ERICH1: variants seen among roughly 807,000 people sequenced by gnomAD.
The protein encoded by ERICH1 is glutamate rich 1.
A neutral mutation model predicts 39.6 loss-of-function variants in ERICH1; 56 were observed. That is an observed-to-expected ratio of 1.41 (90% CI 1.14 to 1.77). The LOEUF is 1.77. ERICH1 is among the 40% of genes most tolerant of loss of function. The probability of loss-of-function intolerance (pLI) is 0.00; values close to 1 mark genes in which losing one functional copy is unlikely to be tolerated. For synonymous variants in ERICH1, 313 were observed against 223.6 expected (o/e 1.40, Z -3.57); for missense variants, 826 against 575.4 (o/e 1.44, Z -4.45).
intron 2 of ERICH1, 78 bp downstream of exon 2, chr8:715,783 A>T (rs1270065870): frequency 6.5e-7 from 1 of 1,532,858 alleles, no homozygotes; most frequent in Admixed American, 2.0e-5. Flanking sequence ...CCCAAAAGAC[A>T]CATTCTCCAA....
At chr8:638,838 C>T (rs993213143) in intron 3 of ERICH1, among the ~76,000 whole-genome samples, 4 of 152,094 alleles carry the variant, frequency 2.6e-5, no homozygotes, top group East Asian at 1.9e-4. Flanking sequence ...AGCAAGGCCA[C>T]GGCAGTCACC....
exon 4 of ERICH1, chr8:615,135 T>G: frequency 6.5e-6 from 4 of 613,918 alleles, no homozygotes; most frequent in Non-Finnish European, 1.2e-5. Context: ...GGGCTCCCGG[T>G]CCACTGCTTA....
chr8:666,734 C>G (rs1802308114), intron 5 of ERICH1: 1 of 152,382 alleles, frequency 6.6e-6, no homozygotes, highest in Non-Finnish European at 1.5e-5. Flanking sequence ...CAGCACTGCG[C>G]TCTGGGCAGG....
chr8:718,524 T>A (rs777656253), intron 1 of ERICH1, among the ~76,000 whole-genome samples: 3 of 152,204 alleles, frequency 2.0e-5, no homozygotes, highest in Non-Finnish European at 4.4e-5. Context: ...ACAGTACATT[T>A]CGAATCTTTA....
At chr8:616,695 G>A (rs981512411) in intron 3 of ERICH1, 7 of 443,360 alleles carry the variant, frequency 1.6e-5, no homozygotes, top group African/African-American at 1.4e-4. Flanking sequence ...AAGACAGAGA[G>A]GGACAGGGAG....
intron 3 of ERICH1, among the ~76,000 whole-genome samples, chr8:676,626 G>C (rs1473580538): frequency 1.3e-5 from 2 of 152,210 alleles, no homozygotes; most frequent in Non-Finnish European, 2.9e-5. Context: ...GGTGTGTGCA[G>C]GCCAAGAACA....
At chr8:693,886 G>C (rs1276168983) in intron 2 of ERICH1, among the ~76,000 whole-genome samples, 1 of 152,218 alleles carries the variant, frequency 6.6e-6, no homozygotes, top group Non-Finnish European at 1.5e-5. Flanking sequence ...CTGGTTTAGG[G>C]GGCAGGTGCT....
chr8:731,219 C>G lies in ERICH1; in HGVS notation c.-58G>C, dbSNP rs1027063216. ...GCGCGGTCCTGAGCTGAGCGCCGTG[C>G]CTTCCGGGTTCCGCCCTCCTGGGTC... is the stretch of plus-strand genomic sequence containing the variant. On this transcript the variant is annotated 5_prime_UTR_variant, in exon 1 of 6. Transcript: ENST00000262109. 6.4e-5 allele frequency: 91 copies of G among 1,414,580 alleles called. No homozygotes were observed. The highest frequency in any genetic ancestry group is 1.4e-4 in the East Asian group (5 of 34,778). 87.6% of individuals were successfully genotyped at this position (1,414,580 alleles called of 1,614,324 possible). A position where few individuals can be genotyped will look rare whatever the true frequency, so the allele number is the denominator to read the frequency against.
intron 4 of ERICH1, among the ~76,000 whole-genome samples, chr8:669,900 G>T (rs945452161): frequency 6.6e-6 from 1 of 152,158 alleles, no homozygotes; most frequent in Admixed American, 6.5e-5. Context: ...GACTTGGCAG[G>T]ACTTCTTCAA....
chr8:658,783 G>A (rs115956543), intron 3 of ERICH1, among the ~76,000 whole-genome samples: 2 of 152,180 alleles, frequency 1.3e-5, no homozygotes, highest in Non-Finnish European at 2.9e-5. Flanking sequence ...GGCCTCGATC[G>A]GGGACTCCAC....
intron 2 of ERICH1, among the ~76,000 whole-genome samples, chr8:695,173 G>A (rs915942820): frequency 6.6e-6 from 1 of 152,020 alleles, no homozygotes; most frequent in African/African-American, 2.4e-5. Flanking sequence ...GCAGCCGACA[G>A]CTATGGAGGG....
chr8:687,957 G>A (rs923033496), intron 3 of ERICH1, among the ~76,000 whole-genome samples: 2 of 152,102 alleles, frequency 1.3e-5, no homozygotes, highest in African/African-American at 2.4e-5. Flanking sequence ...GGACATCCCG[G>A]CGGCGAGAAG....
At chr8:713,448 A>T (rs1454732263) in intron 2 of ERICH1, among the ~76,000 whole-genome samples, 1 of 152,238 alleles carries the variant, frequency 6.6e-6, no homozygotes, top group Non-Finnish European at 1.5e-5. Flanking sequence ...TGTAGAAAAG[A>T]ACATGGAATA....
At chr8:622,806 A>G (rs1158520521) in intron 3 of ERICH1, among the ~76,000 whole-genome samples, 1 of 152,022 alleles carries the variant, frequency 6.6e-6, no homozygotes, top group African/African-American at 2.4e-5. Context: ...ATTTTTTTAA[A>G]AAATAGCCAG....
intron 3 of ERICH1, among the ~76,000 whole-genome samples, chr8:646,994 G>C (rs1205937205): frequency 1.4e-5 from 1 of 69,480 alleles, no homozygotes; most frequent in East Asian, 3.0e-4. Context: ...CATTCATACA[G>C]GGTCCTCATT....
rs758183454 is a variant in ERICH1, at chr8:673,553, T to G, written c.799A>C (p.Lys267Gln). 3.4e-5 allele frequency: 55 copies of G among 1,608,304 alleles called. No homozygotes were observed. The Middle Eastern group carries it at 5.0e-4, about 15-fold the overall frequency. ...DPTPAGEEDV[K>Q]DAREEDGVDT... ...ACACCGTCCTCCTCCCTGGCGTCTT[T>G]AACGTCTTCCTCCCCGGCCGGTGTC... The change falls in exon 4 of 6, where the codon AAA becomes CAA. Residue 267 changes from lysine (K) to glutamine (Q), a missense_variant. Transcript: ENST00000262109.
chr8:698,893 CTG>C (rs983117721), intron 2 of ERICH1, among the ~76,000 whole-genome samples: 1 of 129,502 alleles, frequency 7.7e-6, no homozygotes, highest in African/African-American at 2.9e-5. Context: ...ATGGTTGTCT[CTG>C]TGAGTTTTTT....
chr8:709,577 C>A lies in ERICH1; in HGVS notation c.169+6284G>T, dbSNP rs186867254. Among the ~76,000 whole-genome samples the A allele has an allele frequency of 2.3e-3, 356 of 152,334 alleles. 2 individuals carry two copies. Among genetic ancestry groups the A allele is most frequent in the African/African-American group, 8.3e-3 (346 of 41,576 alleles). On this transcript the variant is annotated intron_variant, in intron 2 of 5. Transcript: ENST00000262109. ...CACATCAGTATTTTGACTTTTAATT[C>A]AACATCTTCATATTAAAGAGTATCT...
chr8:630,218 T>G lies in ERICH1; in HGVS notation c.977-14934A>C, dbSNP rs561684404. ...GACCACCCAGAGCTGACTCACACCC[T>G]CCTGTGACCACCCACACAGACAGAG... On this transcript the variant is annotated intron_variant, in intron 3 of 3. Transcript: ENST00000522706. Among the ~76,000 whole-genome samples the G allele has an allele frequency of 7.5e-3, 938 of 125,558 alleles. 17 individuals carry two copies. Among genetic ancestry groups the G allele is most frequent in the Non-Finnish European group, 9.4e-3 (581 of 61,716 alleles). The allele number at this position is 125,558 out of a possible 152,430, so 82.4% of individuals were successfully genotyped here. A position where few individuals can be genotyped will look rare whatever the true frequency, so the allele number is the denominator to read the frequency against.
Sources: gnomAD v4.1 joint callset for allele counts (sites outside exome capture counted in the v4.1 genomes callset) on GRCh38, gnomAD v4.1.1 for gene constraint, MANE v1.5 for transcripts, NCBI Gene and HGNC (gene_info 2026-07-23, HGNC 2026-07-21) for gene names.